EIF4G3: variants seen among roughly 807,000 people sequenced by gnomAD.
EIF4G3 encodes the protein eukaryotic translation initiation factor 4 gamma 3.
In EIF4G3, 34 loss-of-function variants were observed where a neutral mutation model predicts 186.4. The observed-to-expected ratio is 0.18, with a 90% CI of 0.14 to 0.24. The LOEUF (loss-of-function observed/expected upper bound fraction) is 0.24, where lower values mean the gene tolerates loss of function less well. Among genes scored for constraint, EIF4G3 ranks in the 10% least tolerant of loss-of-function variants. EIF4G3 has a pLI of 1.00. For synonymous variants in EIF4G3, 673 were observed against 679.5 expected, an observed-to-expected ratio of 0.99 and a Z score of 0.15; for missense variants, 1,536 against 1,948.5, an observed-to-expected ratio of 0.79 and a Z score of 3.99.
At chr1:20,998,973 C>T (rs541240551) in intron 6 of EIF4G3, 2 of 252,110 alleles carry the variant, frequency 7.9e-6, no homozygotes, top group South Asian at 8.2e-5. Context: ...ATCTCTCATG[C>T]TCAGCATTTA....
intron 2 of EIF4G3, among the ~76,000 whole-genome samples, chr1:21,094,010 G>A (rs933979389): frequency 6.6e-6 from 1 of 152,044 alleles, no homozygotes; most frequent in Non-Finnish European, 1.5e-5. Flanking sequence ...TGTAAATGAC[G>A]AGTTAATGGG....
chr1:20,842,103 TTCA>T (rs1372737309), intron 29 of EIF4G3, among the ~76,000 whole-genome samples: 1 of 152,228 alleles, frequency 6.6e-6, no homozygotes, highest in African/African-American at 2.4e-5. Context: ...CACTTTTAGA[TTCA>T]TCAATTGTTG....
At chr1:21,067,734 G>A (rs192284946) in intron 3 of EIF4G3, among the ~76,000 whole-genome samples, 3 of 152,178 alleles carry the variant, frequency 2.0e-5, no homozygotes, top group Non-Finnish European at 2.9e-5. Context: ...CTAGGAATCA[G>A]GTTCAAAGTG....
At chr1:20,874,816 A>G (rs2080282671) in intron 20 of EIF4G3, among the ~76,000 whole-genome samples, 1 of 152,206 alleles carries the variant, frequency 6.6e-6, no homozygotes, top group African/African-American at 2.4e-5. Flanking sequence ...TGATATTCTT[A>G]TAAAAGGTTA....
intron 7 of EIF4G3, among the ~76,000 whole-genome samples, chr1:20,992,104 T>C (rs1558604269): frequency 6.6e-6 from 1 of 152,212 alleles, no homozygotes. Flanking sequence ...CTTCATTATT[T>C]ATGCTGCTAC....
intron 2 of EIF4G3, among the ~76,000 whole-genome samples, chr1:21,118,689 G>C (rs1239283827): frequency 1.3e-5 from 2 of 151,792 alleles, no homozygotes; most frequent in African/African-American, 4.8e-5. Context: ...GGGAGGCTGA[G>C]GAAGGAGAAT....
chr1:21,044,103 A>G (rs2093736847), intron 4 of EIF4G3, among the ~76,000 whole-genome samples: 1 of 152,224 alleles, frequency 6.6e-6, no homozygotes, highest in South Asian at 2.1e-4. Context: ...TTCATGGTAC[A>G]TGGGGACTTG....
At position 20,942,414 on chromosome 1, in the gene EIF4G3, C is replaced by G. The variant is rs542858704; in HGVS notation, c.824-84G>C. ...TTGGGCCAATTCTTTCAATGTCTTA[C>G]CCTAAATTACAGGTAACAGAACAGA... On this transcript the variant is annotated intron_variant, in intron 13 of 36. Coordinates refer to ENST00000602326, the MANE Select transcript of EIF4G3 (RefSeq NM_001391906.1). 3.0e-6 allele frequency: 4 copies of G among 1,350,648 alleles called. No homozygotes were observed. In the South Asian group the frequency reaches 5.9e-5, roughly 20 times the overall value. 83.7% of individuals were successfully genotyped at this position (1,350,648 alleles called of 1,614,324 possible).
intron 14 of EIF4G3, among the ~76,000 whole-genome samples, chr1:20,937,670 A>G (rs1336743278): frequency 6.6e-6 from 1 of 152,248 alleles, no homozygotes; most frequent in African/African-American, 2.4e-5. Flanking sequence ...TTCTTTTAAA[A>G]AGTGGGAAAG....
chr1:21,033,754 A>G (rs568278215), intron 4 of EIF4G3, among the ~76,000 whole-genome samples: 1 of 152,200 alleles, frequency 6.6e-6, no homozygotes, highest in Non-Finnish European at 1.5e-5. Context: ...TGAAGAGAAC[A>G]TCGGGAATAC....
intron 12 of EIF4G3, among the ~76,000 whole-genome samples, chr1:20,952,577 T>C (rs1035894265): frequency 2.6e-5 from 4 of 152,194 alleles, no homozygotes; most frequent in Admixed American, 2.6e-4. Flanking sequence ...GGCCAGGTGT[T>C]GTGGCTCATG....
chr1:20,920,744 G>GA (rs1021150564), intron 14 of EIF4G3, among the ~76,000 whole-genome samples: 1 of 151,576 alleles, frequency 6.6e-6, no homozygotes, highest in African/African-American at 2.4e-5. Context: ...GAGAGCTTGG[G>GA]TTTTTTTTCC....
At chr1:21,012,305 T>C (rs558696271) in intron 4 of EIF4G3, among the ~76,000 whole-genome samples, 26 of 152,288 alleles carry the variant, frequency 1.7e-4, no homozygotes, top group African/African-American at 6.3e-4. Context: ...TAGAGGCACC[T>C]GCAACCTCAT....
chr1:20,810,159 AT>A lies in EIF4G3; in HGVS notation c.4744+578del, dbSNP rs1363674757. Among the ~76,000 whole-genome samples the A allele has an allele frequency of 3.4e-3, 459 of 134,036 alleles. 1 individual carries two copies. Among genetic ancestry groups the A allele is most frequent in the Non-Finnish European group, 3.3e-3 (199 of 61,216 alleles). 87.9% of individuals were successfully genotyped at this position (134,036 alleles called of 152,430 possible). On this transcript the variant is annotated intron_variant, in intron 36 of 36. Coordinates refer to ENST00000602326, the MANE Select transcript of EIF4G3 (RefSeq NM_001391906.1). This position sits in a 1 kb window ranked among gnomAD's most constrained non-coding sequence, Gnocchi z 4.1. The stretch of plus-strand genomic sequence containing the variant: ...ACCTAGCCAATTTTTGTATTTTTGT[AT>A]TTTTTTTTTTTTTGAGATAGAGTCT...
chr1:20,807,639 T>TGTCAAGAGCAAGTATGGTGAA, intron 36 of EIF4G3, 139 bp from the exon 37 acceptor site: 1 of 699,022 alleles, frequency 1.4e-6, no homozygotes, highest in Non-Finnish European at 2.1e-6. Flanking sequence ...TTCACCATAC[T>TGTCAAGAGCAAGTATGGTGAA]TGCTCTTGAC....
chr1:21,025,487 T>C (rs531601969), intron 4 of EIF4G3, among the ~76,000 whole-genome samples: 8 of 152,150 alleles, frequency 5.3e-5, no homozygotes, highest in East Asian at 3.9e-4. Context: ...TCATATATTA[T>C]AGAAACAGCA....
intron 30 of EIF4G3, among the ~76,000 whole-genome samples, chr1:20,838,952 C>T (rs758877357): frequency 4.6e-5 from 7 of 152,160 alleles, no homozygotes; most frequent in Non-Finnish European, 8.8e-5. Flanking sequence ...GCTAGCATTA[C>T]AGGTGTGAGC....
intron 22 of EIF4G3, 128 bp downstream of exon 22, chr1:20,864,348 C>A: frequency 1.4e-6 from 1 of 735,524 alleles, no homozygotes; most frequent in South Asian, 1.7e-5. Context: ...GACAATGAGA[C>A]GGGCAAAAGA....
intron 11 of EIF4G3, among the ~76,000 whole-genome samples, chr1:20,970,932 C>T (rs2075759183): frequency 2.0e-5 from 3 of 152,154 alleles, no homozygotes; most frequent in African/African-American, 7.2e-5. Context: ...CCACTGCACT[C>T]CAGCCTGGGG....
Sources: gnomAD v4.1 joint callset for allele counts (sites outside exome capture counted in the v4.1 genomes callset) on GRCh38, gnomAD v4.1.1 for gene constraint, Gnocchi (gnomAD v3.1) non-coding constraint, MANE v1.5 for transcripts, NCBI Gene and HGNC (gene_info 2026-07-23, HGNC 2026-07-21) for gene names.